The following EML4 variants were observed in gnomAD, a reference collection of about 807,000 sequenced individuals.
EML4 encodes EMAP like 4, also known as echinoderm microtubule-associated protein-like 4.
A neutral mutation model predicts 129.0 loss-of-function variants in EML4; 72 were observed. The observed-to-expected ratio is 0.56, with a 90% CI of 0.46 to 0.68. EML4 has a LOEUF of 0.68. Ranked by LOEUF, EML4 falls within the 30% of genes least tolerant of loss-of-function variation. The pLI is 0.00. For missense variants in EML4, 1,363 were observed against 1,190.6 expected, an observed-to-expected ratio of 1.14 and a Z score of -2.13; for synonymous variants, 532 against 405.0, an observed-to-expected ratio of 1.31 and a Z score of -3.77.
At chr2:42,191,422 G>C (rs921451020) in intron 1 of EML4, among the ~76,000 whole-genome samples, 9 of 152,092 alleles carry the variant, frequency 5.9e-5, no homozygotes, top group African/African-American at 1.9e-4. Context: ...AAATTCTAAG[G>C]CAGGACTTTG....
chr2:42,187,049 CG>C (rs936585692), intron 1 of EML4, among the ~76,000 whole-genome samples: 1 of 15,204 alleles, frequency 6.6e-5, no homozygotes, highest in African/African-American at 3.1e-4. Flanking sequence ...TTTTTTGGAG[CG>C]GGGGGGTGGG....
At chr2:42,181,858 C>T (rs2103844572) in intron 1 of EML4, among the ~76,000 whole-genome samples, 1 of 152,230 alleles carries the variant, frequency 6.6e-6, no homozygotes, top group Admixed American at 6.5e-5. Context: ...ATTTAGAAAC[C>T]AAGCTCTATG....
intron 1 of EML4, among the ~76,000 whole-genome samples, chr2:42,173,913 A>G (rs368209738): frequency 2.0e-5 from 3 of 152,318 alleles, no homozygotes; most frequent in East Asian, 3.9e-4. Flanking sequence ...AGTACCAGAA[A>G]TGGGGATGAA....
At chr2:42,182,827 C>A (rs1033716894) in intron 1 of EML4, among the ~76,000 whole-genome samples, 4 of 152,264 alleles carry the variant, frequency 2.6e-5, no homozygotes, top group African/African-American at 7.2e-5. Flanking sequence ...TGATTTCTTA[C>A]AACACCTTCC....
chr2:42,259,816 G>A (rs547089254), intron 3 of EML4, among the ~76,000 whole-genome samples: 22 of 135,558 alleles, frequency 1.6e-4, no homozygotes, highest in South Asian at 2.6e-4. Context: ...TGCAAGCTCC[G>A]CCTCCTGGGT....
At chr2:42,283,433 C>CGTG (rs1311795183) in intron 8 of EML4, among the ~76,000 whole-genome samples, 25 of 152,158 alleles carry the variant, frequency 1.6e-4, no homozygotes, top group African/African-American at 6.0e-4. Context: ...TGTCATACTA[C>CGTG]AAATGTGAGA....
chr2:42,173,271 T>A (rs1398933074), intron 1 of EML4, among the ~76,000 whole-genome samples: 1 of 152,222 alleles, frequency 6.6e-6, no homozygotes, highest in Non-Finnish European at 1.5e-5. Flanking sequence ...CTTATTTACA[T>A]GAAAATGTTT....
At chr2:42,206,557 C>T (rs1181516937) in intron 1 of EML4, among the ~76,000 whole-genome samples, 1 of 152,146 alleles carries the variant, frequency 6.6e-6, no homozygotes, top group Non-Finnish European at 1.5e-5. Context: ...GTCGTCTTGC[C>T]TACTTTAATC....
chr2:42,322,949 C>T (rs1384953770), intron 19 of EML4, among the ~76,000 whole-genome samples: 2 of 152,182 alleles, frequency 1.3e-5, no homozygotes, highest in African/African-American at 4.8e-5. Context: ...AATTTGGGGA[C>T]TTCTCCTACT....
chr2:42,282,957 C>A lies in EML4; in HGVS notation c.926C>A (p.Thr309Lys). The A allele has an allele frequency of 6.2e-7, 1 of 1,612,474 alleles. No homozygotes were observed. The highest frequency in any genetic ancestry group is 2.2e-5 in the East Asian group (1 of 44,836). Reference protein sequence around the residue: ...ERTQRHYLGHTDCVKCLAIHP... With the variant: ...ERTQRHYLGHKDCVKCLAIHP... ...ACTCAGCGACACTACCTGGGCCATA[C>A]AGACTGTGTGAAATGGTTGGTATCA... Residue 309 changes from threonine (T) to lysine (K), a missense_variant, in exon 8 of 23, where the codon ACA becomes AAA. Coordinates refer to ENST00000318522, the MANE Select transcript of EML4 (RefSeq NM_019063.5).
chr2:42,287,015 A>G (rs889440916), intron 10 of EML4, among the ~76,000 whole-genome samples: 3 of 152,230 alleles, frequency 2.0e-5, no homozygotes, highest in African/African-American at 7.2e-5. Context: ...ATGATTATAA[A>G]GTATACAGTC....
intron 1 of EML4, among the ~76,000 whole-genome samples, 193 bp from the exon 2 acceptor site, chr2:42,245,312 T>A (rs1675327006): frequency 1.3e-5 from 2 of 151,706 alleles, no homozygotes; most frequent in Admixed American, 1.3e-4. Flanking sequence ...GCCATGCTGG[T>A]CTCCAACTCC....
At chr2:42,215,171 C>T (rs867453798) in intron 1 of EML4, among the ~76,000 whole-genome samples, 2 of 152,106 alleles carry the variant, frequency 1.3e-5, no homozygotes, top group Admixed American at 6.5e-5. Flanking sequence ...GTGATCCTCA[C>T]ACTGCAGCCC....
At chr2:42,290,104 A>C (rs1469788554) in intron 11 of EML4, among the ~76,000 whole-genome samples, 1 of 151,618 alleles carries the variant, frequency 6.6e-6, no homozygotes, top group African/African-American at 2.4e-5. Flanking sequence ...AATAAAAATA[A>C]AGTTAACTTA....
chr2:42,211,511 C>T (rs1337378200), intron 1 of EML4, among the ~76,000 whole-genome samples: 1 of 152,176 alleles, frequency 6.6e-6, no homozygotes, highest in Non-Finnish European at 1.5e-5. Context: ...CGGAAATTGT[C>T]TGAACCTGTG....
chr2:42,329,964 T>A lies in EML4; in HGVS notation c.2703T>A (p.Pro901=). Residue 901 remains proline, a synonymous_variant, in exon 23 of 23, where the codon CCT becomes CCA. Transcript: ENST00000318522. ...SVIQSNTPTP[P]PSQPLNETAE... ...TCCAATCTAATACTCCCACACCGCC[T>A]CCTTCTCAGCCCTTAAATGAGACAG... 1 of 1,613,834 alleles carries A rather than the reference T, an allele frequency of 6.2e-7. No homozygotes were observed.
chr2:42,245,085 A>ATTTCTTTTTTTT (rs1558535322), intron 1 of EML4, among the ~76,000 whole-genome samples: 1 of 42,148 alleles, frequency 2.4e-5, no homozygotes, highest in Non-Finnish European at 4.3e-5. Flanking sequence ...TTGTTTTGAA[A>ATTTCTTTTTTTT]TTTTCTTTCT....
chr2:42,203,722 AAAAC>A (rs1451250444), intron 1 of EML4, among the ~76,000 whole-genome samples: 2 of 151,872 alleles, frequency 1.3e-5, no homozygotes, highest in Admixed American at 6.6e-5. Context: ...GGGGAAAAAA[AAAAC>A]AGAGAGGATT....
intron 6 of EML4, among the ~76,000 whole-genome samples, chr2:42,276,682 T>G (rs1287536376): frequency 6.6e-6 from 1 of 152,220 alleles, no homozygotes; most frequent in Non-Finnish European, 1.5e-5. Flanking sequence ...ATTTAATCAC[T>G]TATAATTCCA....
Sources: gnomAD v4.1 joint callset for allele counts (sites outside exome capture counted in the v4.1 genomes callset) on GRCh38, gnomAD v4.1.1 for gene constraint, MANE v1.5 for transcripts, NCBI Gene and HGNC (gene_info 2026-07-23, HGNC 2026-07-21) for gene names.